Variants in EDNRB observed in about 807,000 individuals in gnomAD.
The protein encoded by EDNRB is endothelin receptor type B, also known as Hirschsprung disease 2.
Under a neutral mutation model 46.4 loss-of-function variants are expected in EDNRB, and 18 were observed. That is an observed-to-expected ratio of 0.39 (90% CI 0.27 to 0.57). EDNRB has a LOEUF of 0.57. Ranked by LOEUF, EDNRB falls within the 20% of genes least tolerant of loss-of-function variation. The pLI is 0.61. For missense variants in EDNRB, 434 were observed against 537.5 expected, an observed-to-expected ratio of 0.81 and a Z score of 1.90; for synonymous variants, 213 against 204.9, an observed-to-expected ratio of 1.04 and a Z score of -0.34.
upstream of EDNRB, chr13:77,919,311 A>T (rs1368090962): frequency 4.3e-6 from 6 of 1,396,958 alleles, no homozygotes; most frequent in South Asian, 2.7e-5. Context: ...TTATTTTTTT[A>T]AAATCCCAAA....
chr13:77,931,636 C>T (rs550349323), intron 1 of EDNRB, among the ~76,000 whole-genome samples: 2 of 151,174 alleles, frequency 1.3e-5, no homozygotes, highest in African/African-American at 4.9e-5. Flanking sequence ...AATCAACTAA[C>T]CAAGAGAGGG....
At chr13:77,969,548 T>A (rs1310745535) in intron 1 of EDNRB, among the ~76,000 whole-genome samples, 3 of 152,168 alleles carry the variant, frequency 2.0e-5, no homozygotes, top group Admixed American at 6.5e-5. Context: ...TAGTGACAAT[T>A]ATGCATTGTG....
intron 1 of EDNRB, among the ~76,000 whole-genome samples, chr13:77,951,511 G>A (rs541797170): frequency 6.6e-6 from 1 of 152,190 alleles, no homozygotes; most frequent in African/African-American, 2.4e-5. Flanking sequence ...AATTGGGAGG[G>A]GCACAGGAGA....
At chr13:77,919,430 G>T, upstream of EDNRB, 1 of 1,612,620 alleles carries the variant, frequency 6.2e-7, no homozygotes, top group Non-Finnish European at 8.5e-7. Flanking sequence ...GCAGAGCGAC[G>T]AATGGAGACC....
chr13:77,899,568 G>A, intron 6 of EDNRB: 1 of 322,478 alleles, frequency 3.1e-6, no homozygotes, highest in Non-Finnish European at 5.9e-6. Flanking sequence ...TTTATTATGT[G>A]ATGCCTATCA....
In EDNRB at chr13:77,897,466, T is replaced by A; in HGVS notation, c.*734A>T. The A allele has an allele frequency of 1.0e-6, 1 of 983,292 alleles. No individual in the cohort carries two copies. The highest frequency in any genetic ancestry group is 1.2e-6 in the Non-Finnish European group (1 of 828,054). The allele number at this position is 983,292 out of a possible 1,614,324, so 60.9% of individuals were successfully genotyped here. A position where few individuals can be genotyped will look rare whatever the true frequency, so the allele number is the denominator to read the frequency against. On this transcript the variant is annotated 3_prime_UTR_variant, in exon 7 of 7. Transcript: ENST00000646607. ...ACTGAATGTAAAGGATGTAATAATT[T>A]TCTTTTTAAAAGTATTATATTTTAA...
chr13:77,963,758 A>C lies in EDNRB; in HGVS notation c.-52+11589T>G, dbSNP rs535241824. Reference sequence around the variant, plus strand: ...CCAAAAGCAATGGCAACAAAAGCCAAAGTTGACAAATGGGATCTAATTAAA... The same window carrying C: ...CCAAAAGCAATGGCAACAAAAGCCACAGTTGACAAATGGGATCTAATTAAA... On this transcript the variant is annotated intron_variant, in intron 1 of 7. Coordinates refer to the EDNRB transcript ENST00000646948. Among the ~76,000 whole-genome samples, 3 of 152,364 alleles carry C rather than the reference A, an allele frequency of 2.0e-5. No individual in the cohort carries two copies. The East Asian group carries it at 5.8e-4, about 29-fold the overall frequency.
intron 6 of EDNRB, among the ~76,000 whole-genome samples, chr13:77,898,708 ATGTG>A: frequency 6.6e-6 from 1 of 151,992 alleles, no homozygotes; most frequent in East Asian, 1.9e-4. Context: ...GTATATGTGC[ATGTG>A]CTGGAGAATG....
intron 1 of EDNRB, among the ~76,000 whole-genome samples, chr13:77,960,612 G>A (rs1029208245): frequency 6.6e-6 from 1 of 152,162 alleles, no homozygotes; most frequent in African/African-American, 2.4e-5. Flanking sequence ...ATCGATGCTA[G>A]GAAGAAACTG....
chr13:77,916,961 G>A (rs12720171), intron 1 of EDNRB, among the ~76,000 whole-genome samples: 326 of 151,740 alleles, frequency 2.1e-3, no homozygotes, highest in African/African-American at 7.4e-3. Context: ...GGCACTGGCA[G>A]CCTTATTGTG....
chr13:77,938,503 C>T (rs553480291), intron 1 of EDNRB, among the ~76,000 whole-genome samples: 5 of 151,986 alleles, frequency 3.3e-5, no homozygotes, highest in African/African-American at 1.2e-4. Flanking sequence ...GGGTTCTTAC[C>T]CCCCAGAAAA....
At chr13:77,950,993 T>C (rs1301728103) in intron 1 of EDNRB, among the ~76,000 whole-genome samples, 1 of 152,208 alleles carries the variant, frequency 6.6e-6, no homozygotes, top group Non-Finnish European at 1.5e-5. Context: ...GAGAGGTTTT[T>C]AAGGCCAGCT....
At position 77,918,388 on chromosome 13, in the gene EDNRB, C is replaced by T. The variant is rs62637639; in HGVS notation, c.186G>A (p.Leu62=). ...CCTCCGCAGGTGCCAACGACCGCGC[C>T]AGACTGGCGTTGGAACCCTTGGGCC... ...TLWPKGSNAS[L]ARSLAPAEVP... The change falls in exon 1 of 7, where the codon CTG becomes CTA. Residue 62 remains leucine, a synonymous_variant. Coordinates refer to ENST00000646607, the MANE Select transcript of EDNRB (RefSeq NM_001122659.3). This position sits in a 1 kb window ranked among gnomAD's most constrained non-coding sequence, Gnocchi z 4.5. 33 of 1,603,862 alleles carry T rather than the reference C, an allele frequency of 2.1e-5. No individual in the cohort carries two copies. Among genetic ancestry groups the T allele is most frequent in the Non-Finnish European group, 2.7e-5 (32 of 1,173,654 alleles).
chr13:77,953,197 A>G (rs1422896317), intron 1 of EDNRB, among the ~76,000 whole-genome samples: 1 of 152,168 alleles, frequency 6.6e-6, no homozygotes. Context: ...GCCAAAAACT[A>G]GTTTTGAGAT....
intron 1 of EDNRB, among the ~76,000 whole-genome samples, chr13:77,965,000 C>T (rs1398009144): frequency 6.6e-6 from 1 of 152,066 alleles, no homozygotes; most frequent in Admixed American, 6.6e-5. Context: ...AAGTAAGTAC[C>T]ATTAGTTATG....
intron 1 of EDNRB, among the ~76,000 whole-genome samples, chr13:77,955,386 T>C (rs746492022): frequency 6.6e-6 from 1 of 152,208 alleles, no homozygotes; most frequent in Non-Finnish European, 1.5e-5. Flanking sequence ...TTATCAGATA[T>C]ATGATTTGCA....
chr13:77,924,922 T>C (rs1594377827), intron 1 of EDNRB, among the ~76,000 whole-genome samples: 1 of 152,320 alleles, frequency 6.6e-6, no homozygotes, highest in East Asian at 1.9e-4. Flanking sequence ...CCTTCCACCA[T>C]GATTGTGAGG....
intron 1 of EDNRB, among the ~76,000 whole-genome samples, chr13:77,942,183 A>G (rs935025009): frequency 2.6e-5 from 4 of 151,980 alleles, no homozygotes; most frequent in African/African-American, 9.6e-5. Flanking sequence ...CTTGTCTGGG[A>G]AAAAAAAATT....
chr13:77,928,435 A>G (rs1880299031), intron 1 of EDNRB, among the ~76,000 whole-genome samples: 1 of 152,148 alleles, frequency 6.6e-6, no homozygotes, highest in Admixed American at 6.6e-5. Context: ...AATATTTTGT[A>G]CATATTTTTT....
Sources: gnomAD v4.1 joint callset for allele counts (sites outside exome capture counted in the v4.1 genomes callset) on GRCh38, gnomAD v4.1.1 for gene constraint, Gnocchi (gnomAD v3.1) non-coding constraint, MANE v1.5 for transcripts, NCBI Gene and HGNC (gene_info 2026-07-23, HGNC 2026-07-21) for gene names.